The following SGCD variants were observed in gnomAD, a reference collection of about 807,000 sequenced individuals.
SGCD encodes the protein delta-sarcoglycan.
Under a neutral mutation model 36.6 loss-of-function variants are expected in SGCD, and 18 were observed. That is an observed-to-expected ratio of 0.49 (90% CI 0.34 to 0.73). The LOEUF is 0.73. Among genes scored for constraint, SGCD ranks in the 30% least tolerant of loss-of-function variants. SGCD has a pLI of 0.01. For missense variants in SGCD, 387 were observed against 346.7 expected (o/e 1.12, Z -0.92); for synonymous variants, 133 against 130.6 (o/e 1.02, Z -0.12).
chr5:155,976,178 A>C (rs961855939), intron 1 of SGCD, among the ~76,000 whole-genome samples: 2 of 152,216 alleles, frequency 1.3e-5, no homozygotes, highest in African/African-American at 4.8e-5. Context: ...TGAGAAAGAA[A>C]GAACTGGAAA....
At chr5:156,605,560 AC>A (rs1431260960) in intron 6 of SGCD, among the ~76,000 whole-genome samples, 1 of 152,224 alleles carries the variant, frequency 6.6e-6, no homozygotes, top group African/African-American at 2.4e-5. Context: ...TTGGGTATAT[AC>A]CCAGTAATGG....
intron 3 of SGCD, among the ~76,000 whole-genome samples, chr5:156,357,277 T>C (rs1769540642): frequency 6.6e-6 from 1 of 152,224 alleles, no homozygotes; most frequent in Non-Finnish European, 1.5e-5. Context: ...GTAAAGAAAC[T>C]GAAGCATAGA....
chr5:156,111,908 A>G (rs1457202548), intron 1 of SGCD, among the ~76,000 whole-genome samples: 1 of 151,898 alleles, frequency 6.6e-6, no homozygotes, highest in African/African-American at 2.4e-5. Context: ...CCTCCTGAGT[A>G]GCCAAGACTA....
At chr5:156,407,061 T>G (rs1772471773) in intron 3 of SGCD, among the ~76,000 whole-genome samples, 1 of 151,864 alleles carries the variant, frequency 6.6e-6, no homozygotes, top group Non-Finnish European at 1.5e-5. Flanking sequence ...TTTTTCTGCC[T>G]GCTTTATATT....
intron 3 of SGCD, among the ~76,000 whole-genome samples, chr5:156,223,732 T>G (rs1012667295): frequency 2.0e-5 from 3 of 152,016 alleles, no homozygotes; most frequent in African/African-American, 7.2e-5. Context: ...GGTGACAGGC[T>G]AAATGCAGAG....
At chr5:156,527,102 T>G (rs1201031304) in intron 4 of SGCD, among the ~76,000 whole-genome samples, 1 of 152,176 alleles carries the variant, frequency 6.6e-6, no homozygotes, top group Non-Finnish European at 1.5e-5. Context: ...GAAGGGTCCA[T>G]CATTAGAATC....
In SGCD at chr5:156,766,596, G is replaced by C. The variant is rs920220097; in HGVS notation, c.*7206G>C. ...ACACTGGCATCCTAGATTCAGCAAT[G>C]AGGTTTGGTGGTGTTTCAACTAGGA... is the stretch of plus-strand genomic sequence containing the variant. On this transcript the variant is annotated 3_prime_UTR_variant, in exon 9 of 9. Transcript: ENST00000337851. The C allele has an allele frequency of 6.7e-6, 1 of 148,180 alleles. No homozygotes were observed. The highest frequency in any genetic ancestry group is 1.5e-5 in the Non-Finnish European group (1 of 67,414). 9.2% of individuals were successfully genotyped at this position (148,180 alleles called of 1,614,324 possible).
At chr5:155,835,595 T>C in the SGCD span, among the ~76,000 whole-genome samples, 7 of 152,244 alleles carry the variant, frequency 4.6e-5, no homozygotes. Flanking sequence ...AGATGGTTAT[T>C]GTATTCAAAC....
intron 1 of SGCD, among the ~76,000 whole-genome samples, chr5:156,007,222 T>C (rs1409054247): frequency 3.3e-5 from 5 of 152,126 alleles, no homozygotes; most frequent in African/African-American, 1.2e-4. Context: ...TCCACTCTGC[T>C]TGGTAAGCAC....
At chr5:156,676,037 G>A (rs935090363) in intron 7 of SGCD, among the ~76,000 whole-genome samples, 2 of 152,132 alleles carry the variant, frequency 1.3e-5, no homozygotes, top group African/African-American at 2.4e-5. Flanking sequence ...GCATGGAAAT[G>A]AAATTACACA....
intron 3 of SGCD, among the ~76,000 whole-genome samples, chr5:156,440,941 G>A (rs1010124003): frequency 3.9e-5 from 6 of 152,052 alleles, no homozygotes; most frequent in African/African-American, 7.2e-5. Context: ...TTGAAGCACA[G>A]TAGTTGTAAA....
chr5:155,935,703 T>A (rs1172281981), intron 1 of SGCD, among the ~76,000 whole-genome samples: 4 of 152,174 alleles, frequency 2.6e-5, no homozygotes, highest in Non-Finnish European at 5.9e-5. Context: ...CTAAGGTTGT[T>A]ACAGGAGCCT....
intron 1 of SGCD, among the ~76,000 whole-genome samples, chr5:155,948,602 T>G (rs1017228216): frequency 6.6e-6 from 1 of 152,166 alleles, no homozygotes; most frequent in African/African-American, 2.4e-5. Flanking sequence ...TAAGCGGCAA[T>G]CCTTCTGTAA....
At chr5:156,589,182 GT>G in intron 4 of SGCD, 48 bp from the exon 5 acceptor site, 1 of 1,353,884 alleles carries the variant, frequency 7.4e-7, no homozygotes, top group African/African-American at 1.4e-5. Flanking sequence ...AGTTCTTTTT[GT>G]TTAGAAATCT....
At chr5:156,683,817 C>A (rs977923883) in intron 7 of SGCD, among the ~76,000 whole-genome samples, 3 of 152,106 alleles carry the variant, frequency 2.0e-5, no homozygotes, top group Admixed American at 1.3e-4. Flanking sequence ...TCTCATAAGG[C>A]CTCTATGATA....
chr5:156,080,800 G>C (rs1014948226), intron 1 of SGCD, among the ~76,000 whole-genome samples: 1 of 152,102 alleles, frequency 6.6e-6, no homozygotes, highest in Non-Finnish European at 1.5e-5. Flanking sequence ...CAATATTTTA[G>C]TCACAATCCT....
intron 3 of SGCD, among the ~76,000 whole-genome samples, chr5:156,370,794 AG>A (rs2127739533): frequency 1.3e-5 from 2 of 152,242 alleles, no homozygotes; most frequent in South Asian, 4.1e-4. Flanking sequence ...CAAAAAGTAG[AG>A]GGGAGATTTT....
At chr5:156,755,542 C>T (rs1342679229) in intron 7 of SGCD, among the ~76,000 whole-genome samples, 4 of 152,128 alleles carry the variant, frequency 2.6e-5, no homozygotes, top group African/African-American at 9.7e-5. Context: ...TAGACCAGGC[C>T]GTACTGCACA....
chr5:156,281,127 A>G (rs1766441954), intron 3 of SGCD, among the ~76,000 whole-genome samples: 1 of 152,176 alleles, frequency 6.6e-6, no homozygotes, highest in African/African-American at 2.4e-5. Context: ...AATGGAAAGG[A>G]ATTTACATGT....
Sources: allele counts gnomAD v4.1 joint callset (sites outside exome capture counted in the v4.1 genomes callset), GRCh38; gene constraint gnomAD v4.1.1; transcripts MANE v1.5; gene names NCBI Gene and HGNC (gene_info 2026-07-23, HGNC 2026-07-21).